Variants in BEAN1 observed in about 807,000 individuals in gnomAD.
BEAN1 encodes the protein protein BEAN1.
A neutral mutation model predicts 17.7 loss-of-function variants in BEAN1; 17 were observed. The observed-to-expected ratio is 0.96, with a 90% confidence interval of 0.66 to 1.44. The LOEUF (loss-of-function observed/expected upper bound fraction) is 1.44. Ranked by LOEUF, BEAN1 falls within the 40% of genes most tolerant of loss-of-function variation. The pLI is 0.00. For synonymous variants in BEAN1, 142 were observed against 151.8 expected, an observed-to-expected ratio of 0.94 and a Z score of 0.47; for missense variants, 359 against 374.1, an observed-to-expected ratio of 0.96 and a Z score of 0.33.
At chr16:66,447,148 TAGACCCA>T (rs1358980903) in intron 2 of BEAN1, among the ~76,000 whole-genome samples, 1 of 152,158 alleles carries the variant, frequency 6.6e-6, no homozygotes, top group African/African-American at 2.4e-5. Context: ...CACATGCCTG[TAGACCCA>T]GCTACCCGGG....
chr16:66,495,178 A>C (rs944781234), downstream of BEAN1, among the ~76,000 whole-genome samples: 1 of 152,178 alleles, frequency 6.6e-6, no homozygotes, highest in Admixed American at 6.5e-5. Context: ...GTCAGACAGC[A>C]GTCCTAAAAC....
At chr16:66,485,139 A>G, downstream of BEAN1, 1 of 453,236 alleles carries the variant, frequency 2.2e-6, no homozygotes, top group Non-Finnish European at 4.4e-6. Context: ...CACAGCCACC[A>G]CGAGGAACAT....
Position 66,480,940 on chromosome 16 carries a change from C to T in BEAN1, c.*15C>T, listed in dbSNP as rs1407543453. 1.3e-5 allele frequency: 19 copies of T among 1,429,422 alleles called. No homozygotes were observed. Among genetic ancestry groups the T allele is most frequent in the East Asian group, 2.5e-5 (1 of 39,696 alleles). The allele number at this position is 1,429,422 out of a possible 1,614,324, so 88.5% of individuals were successfully genotyped here. A position where few individuals can be genotyped will look rare whatever the true frequency, so the allele number is the denominator to read the frequency against. ...GGATTGTGTGAGGGACCCAGCCAGC[C>T]GGGTCCTGCTGGTCCCTACAGGCTG... On this transcript the variant is annotated 3_prime_UTR_variant, in exon 5 of 5. Transcript: ENST00000536005.
At position 66,434,571 on chromosome 16, in the gene BEAN1, G is replaced by A. The variant is rs1300106167; in HGVS notation, c.-82-3024G>A. Among the ~76,000 whole-genome samples the A allele has an allele frequency of 9.2e-5, 14 of 152,254 alleles. No individual in the cohort carries two copies. Among genetic ancestry groups the A allele is most frequent in the East Asian group, 3.9e-4 (2 of 5,178 alleles). ...TTTTCCAAGGGTTTTGTGGGACACC[G>A]CGTAGGTGCTTGGGAAATGAATCAA... On this transcript the variant is annotated intron_variant, in intron 1 of 4. Coordinates refer to ENST00000536005, the MANE Select transcript of BEAN1 (RefSeq NM_001178020.3). The surrounding 1 kb of genome is among the most constrained non-coding windows in gnomAD (Gnocchi z 4.3).
chr16:66,450,723 G>A (rs903468111), intron 2 of BEAN1, among the ~76,000 whole-genome samples: 2 of 151,556 alleles, frequency 1.3e-5, no homozygotes, highest in African/African-American at 4.9e-5. Context: ...AGAAGACCCT[G>A]TCTCAAAAAT....
intron 1 of BEAN1, among the ~76,000 whole-genome samples, chr16:66,435,026 CA>C (rs1387829408): frequency 1.3e-5 from 2 of 152,104 alleles, no homozygotes; most frequent in Admixed American, 1.3e-4. Context: ...ATTCTGTCTC[CA>C]CCAGTCAAGG....
chr16:66,443,572 ACAT>A (rs1672395025), intron 2 of BEAN1, among the ~76,000 whole-genome samples: 1 of 152,216 alleles, frequency 6.6e-6, no homozygotes, highest in Admixed American at 6.5e-5. Context: ...TGGCCCCTGA[ACAT>A]CCTAGCTGCC....
chr16:66,449,575 C>A (rs1448723209), intron 2 of BEAN1, among the ~76,000 whole-genome samples: 1 of 131,806 alleles, frequency 7.6e-6, no homozygotes, highest in Admixed American at 8.9e-5. Context: ...CCACTGCACT[C>A]CAGTCTGGGT....
At chr16:66,438,375 C>T (rs529132562) in intron 2 of BEAN1, among the ~76,000 whole-genome samples, 34 of 152,260 alleles carry the variant, frequency 2.2e-4, no homozygotes, top group Admixed American at 1.4e-3. Flanking sequence ...CAGAGCGAAA[C>T]TCTGTCTCAG....
At chr16:66,462,805 A>C (rs1963133566) in intron 2 of BEAN1, among the ~76,000 whole-genome samples, 1 of 152,212 alleles carries the variant, frequency 6.6e-6, no homozygotes, top group South Asian at 2.1e-4. Flanking sequence ...GTCTCAAAAA[A>C]AAAAAAGTCA....
At chr16:66,431,184 AC>A (rs1189902409) in intron 1 of BEAN1, among the ~76,000 whole-genome samples, 4 of 152,166 alleles carry the variant, frequency 2.6e-5, no homozygotes, top group African/African-American at 7.2e-5. Context: ...CCTTGAGAAC[AC>A]CCCGGCATGG....
intron 1 of BEAN1, among the ~76,000 whole-genome samples, chr16:66,431,699 T>A (rs1030270255): frequency 3.9e-5 from 6 of 152,098 alleles, no homozygotes; most frequent in African/African-American, 1.4e-4. Context: ...AATAACAGGG[T>A]TTTCCCCCCC....
downstream of BEAN1, among the ~76,000 whole-genome samples, chr16:66,487,658 T>A (rs768067988): frequency 5.9e-5 from 9 of 152,146 alleles, no homozygotes; most frequent in Admixed American, 3.9e-4. Context: ...TCTGAGCAAC[T>A]AAGCTCTGCA....
At chr16:66,459,837 CTT>C (rs1477798832) in intron 2 of BEAN1, among the ~76,000 whole-genome samples, 5 of 152,228 alleles carry the variant, frequency 3.3e-5, no homozygotes, top group Non-Finnish European at 7.3e-5. Context: ...GACCAGGACT[CTT>C]TAAGTCCTGA....
intron 2 of BEAN1, among the ~76,000 whole-genome samples, chr16:66,446,168 G>A (rs1962447261): frequency 6.6e-6 from 1 of 152,004 alleles, no homozygotes; most frequent in African/African-American, 2.4e-5. Context: ...GGGTGATAGA[G>A]CGAGACTCTT....
At chr16:66,446,528 G>T (rs1962464090) in intron 2 of BEAN1, among the ~76,000 whole-genome samples, 1 of 152,134 alleles carries the variant, frequency 6.6e-6, no homozygotes, top group East Asian at 1.9e-4. Flanking sequence ...TTGGGTACGT[G>T]AATGTGGGGT....
chr16:66,480,677 C>G lies in BEAN1; in HGVS notation c.532C>G (p.Leu178Val), dbSNP rs1168892901. ...PYSLTDSCPT[L>V]DGTSDSGSGH... ...CTCGCTGACTGATTCCTGCCCCACG[C>G]TGGATGGCACCTCCGACTCAGGCAG... The change falls in exon 5 of 5, where the codon CTG becomes GTG. Residue 178 changes from leucine to valine, a missense_variant. Leu to Val is a conservative substitution (Grantham distance 32, BLOSUM62 1). Transcript: ENST00000536005. 1 of 1,551,572 alleles carries G rather than the reference C, an allele frequency of 6.4e-7. No homozygotes were observed. Among genetic ancestry groups the G allele is most frequent in the African/African-American group, 1.4e-5 (1 of 73,060 alleles).
At chr16:66,483,132 A>G (rs1434172578), downstream of BEAN1, 1 of 269,744 alleles carries the variant, frequency 3.7e-6, no homozygotes, top group Non-Finnish European at 7.4e-6. Context: ...AGTAGGGTTT[A>G]TACCTTCTGA....
At chr16:66,479,573 C>T (rs548064648) in intron 4 of BEAN1, among the ~76,000 whole-genome samples, 1 of 152,176 alleles carries the variant, frequency 6.6e-6, no homozygotes, top group Non-Finnish European at 1.5e-5. Context: ...CATGCACACA[C>T]GAACACATAC....
Sources: allele counts gnomAD v4.1 joint callset (sites outside exome capture counted in the v4.1 genomes callset), GRCh38; gene constraint gnomAD v4.1.1; non-coding constraint Gnocchi (gnomAD v3.1); transcripts MANE v1.5; gene names NCBI Gene and HGNC (gene_info 2026-07-23, HGNC 2026-07-21).